The following DDAH1 variants were observed in gnomAD, a reference collection of about 807,000 sequenced individuals.
DDAH1 encodes the protein N(G),N(G)-dimethylarginine dimethylaminohydrolase 1.
Under a neutral mutation model 28.8 loss-of-function variants are expected in DDAH1, and 19 were observed. That is an observed-to-expected ratio of 0.66 (90% CI 0.46 to 0.97). The LOEUF (loss-of-function observed/expected upper bound fraction) is 0.97, where lower values mean the gene tolerates loss of function less well. Among genes scored for constraint, DDAH1 ranks in the 50% least tolerant of loss-of-function variants. DDAH1 has a pLI of 0.00. For synonymous variants in DDAH1, 153 were observed against 154.4 expected (o/e 0.99, Z 0.07); for missense variants, 326 against 375.9 (o/e 0.87, Z 1.10).
At chr1:85,575,757 G>A (rs1283667956) in intron 1 of DDAH1, 1 of 152,206 alleles carries the variant, frequency 6.6e-6, no homozygotes, top group African/African-American at 2.4e-5. Flanking sequence ...CAGTAGTTAA[G>A]TGTGAGACCT....
At chr1:85,482,043 T>G (rs1197049730) in intron 2 of DDAH1, among the ~76,000 whole-genome samples, 1 of 152,220 alleles carries the variant, frequency 6.6e-6, no homozygotes, top group Non-Finnish European at 1.5e-5. Context: ...TCCTGTTAGT[T>G]TGTCCTCCCA....
chr1:85,477,395 A>G (rs569927971), intron 2 of DDAH1, among the ~76,000 whole-genome samples: 1 of 152,238 alleles, frequency 6.6e-6, no homozygotes, highest in South Asian at 2.1e-4. Flanking sequence ...AGCCTTTACA[A>G]CTAGAAGAGT....
intron 1 of DDAH1, among the ~76,000 whole-genome samples, chr1:85,374,736 A>G (rs1188851456): frequency 6.6e-6 from 1 of 152,138 alleles, no homozygotes; most frequent in African/African-American, 2.4e-5. Context: ...ATAAAATTAT[A>G]CTATAAGCAC....
chr1:85,321,499 G>C lies in DDAH1; in HGVS notation c.811C>G (p.Leu271Val). ...SMSELEKVDG[L>V]LTCCSVLINK... is the part of the protein sequence containing the mutation. ...ATTAAAACTGAGCAGCAGGTGAGCA[G>C]CCCATCCACCTTTTCCAGTTCAGAC... The change falls in exon 6 of 6, where the codon CTG becomes GTG. Residue 271 changes from leucine (L) to valine (V), a missense_variant. By Grantham distance (32) the Leu-to-Val change is conservative. Transcript: ENST00000284031. The C allele has an allele frequency of 6.2e-7, 1 of 1,614,136 alleles. No homozygotes were observed. The highest frequency in any genetic ancestry group is 8.5e-7 in the Non-Finnish European group (1 of 1,179,980).
chr1:85,475,901 G>A (rs1570589686), intron 2 of DDAH1, among the ~76,000 whole-genome samples: 1 of 152,124 alleles, frequency 6.6e-6, no homozygotes, highest in East Asian at 1.9e-4. Flanking sequence ...ACCCAGGCTG[G>A]AGTGCAATGG....
upstream of DDAH1, among the ~76,000 whole-genome samples, chr1:85,465,505 A>G (rs958820552): frequency 2.0e-5 from 3 of 152,180 alleles, no homozygotes; most frequent in African/African-American, 7.2e-5. Flanking sequence ...GAGCAGCTGG[A>G]GGGCTTCCTG....
intron 1 of DDAH1, among the ~76,000 whole-genome samples, chr1:85,571,680 T>C (rs1011924544): frequency 3.9e-5 from 6 of 152,124 alleles, no homozygotes; most frequent in Admixed American, 3.9e-4. Flanking sequence ...TGCTTTAGCA[T>C]ATAGTCTACA....
At chr1:85,357,323 T>C (rs1649541053) in intron 2 of DDAH1, among the ~76,000 whole-genome samples, 1 of 152,082 alleles carries the variant, frequency 6.6e-6, no homozygotes, top group East Asian at 1.9e-4. Flanking sequence ...ACAGGTGCAG[T>C]ACACAACTCC....
At chr1:85,476,780 A>G (rs1655818613) in intron 2 of DDAH1, among the ~76,000 whole-genome samples, 2 of 152,292 alleles carry the variant, frequency 1.3e-5, no homozygotes, top group Admixed American at 6.5e-5. Context: ...TCTTAGTATC[A>G]AGTTCTGTTA....
At chr1:85,391,353 G>A (rs1486627439) in intron 1 of DDAH1, among the ~76,000 whole-genome samples, 2 of 152,124 alleles carry the variant, frequency 1.3e-5, no homozygotes, top group Non-Finnish European at 2.9e-5. Flanking sequence ...TATAACCCCA[G>A]CTACTTGGGA....
At chr1:85,494,234 G>A (rs1014152454) in intron 2 of DDAH1, 1 of 152,168 alleles carries the variant, frequency 6.6e-6, no homozygotes, top group Non-Finnish European at 1.5e-5. Flanking sequence ...TATAGGATGG[G>A]CATTTACCAG....
intron 1 of DDAH1, among the ~76,000 whole-genome samples, chr1:85,546,634 T>C (rs1658635870): frequency 6.6e-6 from 1 of 152,052 alleles, no homozygotes; most frequent in Non-Finnish European, 1.5e-5. Context: ...TGGAAGTAAA[T>C]ACAGTCACTC....
chr1:85,511,658 A>T (rs1379314392), intron 1 of DDAH1, among the ~76,000 whole-genome samples: 1 of 152,226 alleles, frequency 6.6e-6, no homozygotes, highest in Non-Finnish European at 1.5e-5. Flanking sequence ...AAAAAATGAT[A>T]AAGGGGATAT....
At chr1:85,507,504 C>CAATAAATAAATAAATA (rs773565540) in intron 1 of DDAH1, among the ~76,000 whole-genome samples, 2,800 of 148,530 alleles carry the variant, frequency 0.019, 34 homozygotes, top group South Asian at 0.029. Context: ...CCCTGCATCA[C>CAATAAATAAATAAATA]AATAAATAAA....
chr1:85,554,285 T>TTG (rs1658896092), intron 1 of DDAH1, among the ~76,000 whole-genome samples: 1 of 149,988 alleles, frequency 6.7e-6, no homozygotes, highest in African/African-American at 2.5e-5. Context: ...AGTTTTTTTT[T>TTG]TTTTTTTTTT....
chr1:85,507,531 C>A (rs12733080), intron 1 of DDAH1, among the ~76,000 whole-genome samples: 2 of 71,952 alleles, frequency 2.8e-5, no homozygotes, highest in Non-Finnish European at 7.0e-5. Flanking sequence ...AATAAATAAA[C>A]AAACAAACAG....
At chr1:85,404,274 G>A in intron 1 of DDAH1, 1 of 1,080,320 alleles carries the variant, frequency 9.3e-7, no homozygotes. Flanking sequence ...GATGCCACCA[G>A]TTCATATTGA....
At chr1:85,388,227 T>C (rs921828712) in intron 1 of DDAH1, among the ~76,000 whole-genome samples, 1 of 152,208 alleles carries the variant, frequency 6.6e-6, no homozygotes, top group Non-Finnish European at 1.5e-5. Flanking sequence ...ATTGTGACTA[T>C]CTCATAGGGT....
chr1:85,494,473 G>A (rs1361714), intron 2 of DDAH1: 71,421 of 152,008 alleles, frequency 0.47, 17,647 homozygotes, highest in East Asian at 0.61. Flanking sequence ...CCAGGAGACA[G>A]CAGGAGGGAG....
Sources: gnomAD v4.1 joint callset for allele counts (sites outside exome capture counted in the v4.1 genomes callset) on GRCh38, gnomAD v4.1.1 for gene constraint, MANE v1.5 for transcripts, NCBI Gene and HGNC (gene_info 2026-07-23, HGNC 2026-07-21) for gene names.